Variants in RPH3AL observed in about 807,000 individuals in gnomAD.
RPH3AL encodes rabphilin 3A like (without C2 domains).
In RPH3AL, 38 loss-of-function variants were observed where a neutral mutation model predicts 43.1. The ratio of observed to expected loss-of-function variants is 0.88; its 90% CI spans 0.68 to 1.15. RPH3AL has a LOEUF of 1.15. Among genes scored for constraint, RPH3AL ranks in the 50% most tolerant of loss-of-function variants. The pLI is 0.00. For synonymous variants in RPH3AL, 189 were observed against 176.3 expected, an observed-to-expected ratio of 1.07 and a Z score of -0.57; for missense variants, 462 against 423.2, an observed-to-expected ratio of 1.09 and a Z score of -0.81.
rs2040723801 is a variant in RPH3AL at position 213,710 on chromosome 17, G to A, written c.*142C>T. ...GGGTGCAGAAAGGCACTGAGCTGGG[G>A]AGGCAGACGGCTCCCAACACTGGTT... On this transcript the variant is annotated 3_prime_UTR_variant, in exon 10 of 10. Transcript: ENST00000331302. 1.4e-6 allele frequency: 1 copy of A among 708,034 alleles called. No homozygotes were observed. The highest frequency in any genetic ancestry group is 1.7e-5 in the African/African-American group (1 of 57,458). 43.9% of individuals were successfully genotyped at this position (708,034 alleles called of 1,614,324 possible).
rs1169430522 is a variant in RPH3AL, at chr17:328,758, A to G, written c.-36-1179T>C. ...GGATTATTATTTACAATGGATTATTATTATTTACAATGGAGTATGATTTAC... is the reference window on the plus strand; with the variant it reads ...GGATTATTATTTACAATGGATTATTGTTATTTACAATGGAGTATGATTTAC... On this transcript the variant is annotated intron_variant, in intron 2 of 9. Transcript: ENST00000331302. This position sits in a 1 kb window ranked among gnomAD's most constrained non-coding sequence, Gnocchi z 4.2. 6.6e-6 allele frequency among the ~76,000 whole-genome samples: 1 copy of G among 152,260 alleles called. No individual in the cohort carries two copies. The highest frequency in any genetic ancestry group is 2.4e-5 in the African/African-American group (1 of 41,472).
intron 7 of RPH3AL, among the ~76,000 whole-genome samples, chr17:244,123 C>A (rs1027633791): frequency 6.8e-6 from 1 of 147,858 alleles, no homozygotes; most frequent in African/African-American, 2.5e-5. Context: ...CTATTGATTA[C>A]CCTTCCTCTA....
intron 7 of RPH3AL, among the ~76,000 whole-genome samples, chr17:236,723 G>A (rs979842104): frequency 3.3e-5 from 5 of 152,242 alleles, no homozygotes; most frequent in Non-Finnish European, 7.3e-5. Context: ...CAGTGGTCTG[G>A]CAGCAACCTC....
chr17:335,596 C>T (rs914755230), intron 1 of RPH3AL, among the ~76,000 whole-genome samples: 3 of 152,124 alleles, frequency 2.0e-5, no homozygotes, highest in African/African-American at 4.8e-5. Context: ...CAATATATAA[C>T]GGATAAAAAT....
In RPH3AL at chr17:215,964, G is replaced by A. The variant is rs1028573113; in HGVS notation, c.728-162C>T. 1 of 500,626 alleles carries A rather than the reference G, an allele frequency of 2.0e-6. No individual in the cohort carries two copies. Among genetic ancestry groups the A allele is most frequent in the Non-Finnish European group, 3.4e-6 (1 of 296,630 alleles). The allele number at this position is 500,626 out of a possible 1,614,324, so 31.0% of individuals were successfully genotyped here. Reference sequence around the variant, plus strand: ...CTGACCTCACCCACATGGCTGCCGGGCTCTGGCCTGACCCCACCCACATGG... The same window carrying A: ...CTGACCTCACCCACATGGCTGCCGGACTCTGGCCTGACCCCACCCACATGG... On this transcript the variant is annotated intron_variant, in intron 8 of 9. Coordinates refer to ENST00000331302, the MANE Select transcript of RPH3AL (RefSeq NM_006987.4). The surrounding 1 kb of genome is among the most constrained non-coding windows in gnomAD (Gnocchi z 4.1).
intron 4 of RPH3AL, among the ~76,000 whole-genome samples, chr17:320,997 C>T (rs2044454494): frequency 6.6e-6 from 1 of 152,200 alleles, no homozygotes; most frequent in South Asian, 2.1e-4. Flanking sequence ...TCCTGGGAGG[C>T]TTCACCAGGC....
intron 1 of RPH3AL, chr17:338,667 G>T (rs1247372198): frequency 6.6e-6 from 1 of 152,164 alleles, no homozygotes; most frequent in Non-Finnish European, 1.5e-5. Context: ...CATGCTATTT[G>T]TCTTTTAATG....
intron 5 of RPH3AL, among the ~76,000 whole-genome samples, chr17:308,842 G>A (rs2043564518): frequency 6.6e-6 from 1 of 152,154 alleles, no homozygotes; most frequent in South Asian, 2.1e-4. Context: ...CCACCTCCAG[G>A]AGCAGCTCTC....
At chr17:242,700 C>T in intron 7 of RPH3AL, among the ~76,000 whole-genome samples, 1 of 118,014 alleles carries the variant, frequency 8.5e-6, no homozygotes, top group Non-Finnish European at 1.8e-5. Context: ...TGATTACCTT[C>T]CTCTATTGAT....
intron 7 of RPH3AL, among the ~76,000 whole-genome samples, chr17:241,711 CT>C (rs1001979455): frequency 1.9e-4 from 18 of 92,790 alleles, no homozygotes; most frequent in African/African-American, 6.8e-4. Context: ...GTTTCTTTTT[CT>C]TTTTTTTTCT....
intron 5 of RPH3AL, among the ~76,000 whole-genome samples, chr17:305,643 T>A (rs1196551439): frequency 6.6e-6 from 1 of 152,022 alleles, no homozygotes; most frequent in Non-Finnish European, 1.5e-5. Context: ...CACACAGACA[T>A]TCAGGCAGGT....
Position 333,108 on chromosome 17 carries a change from C to G in RPH3AL, c.-37+651G>C. The G allele has an allele frequency of 6.2e-6, 8 of 1,282,050 alleles. No individual in the cohort carries two copies. The highest frequency in any genetic ancestry group is 8.1e-6 in the Non-Finnish European group (8 of 985,436). 79.4% of individuals were successfully genotyped at this position (1,282,050 alleles called of 1,614,324 possible). A position where few individuals can be genotyped will look rare whatever the true frequency, so the allele number is the denominator to read the frequency against. On this transcript the variant is annotated intron_variant, in intron 2 of 9. Transcript: ENST00000331302. The surrounding 1 kb of genome is among the most constrained non-coding windows in gnomAD (Gnocchi z 4.5). ...AGAGCTCACCACCCCGGGCGTTCGT[C>G]ACTGCAGACATCACTGCAGACACAG...
chr17:247,486 T>C (rs768377249), intron 6 of RPH3AL: 1 of 525,088 alleles, frequency 1.9e-6, no homozygotes, highest in Non-Finnish European at 3.3e-6. Flanking sequence ...CCAAACCTTC[T>C]TTCTCTCCCT....
chr17:266,191 T>C (rs1352719811), intron 6 of RPH3AL, among the ~76,000 whole-genome samples: 1 of 151,390 alleles, frequency 6.6e-6, no homozygotes, highest in Non-Finnish European at 1.5e-5. Flanking sequence ...GATGACACTT[T>C]AAGGCCCCAG....
Position 345,647 on chromosome 17 carries a change from C to T in RPH3AL, c.-213+7065G>A, listed in dbSNP as rs1297053462. The stretch of plus-strand genomic sequence containing the variant: ...CGCGTGCTCCCCATCTGCACGCACA[C>T]CCTGCTGGGGCACGCGTGCTCCCCA... On this transcript the variant is annotated intron_variant, in intron 1 of 9. Coordinates refer to ENST00000331302, the MANE Select transcript of RPH3AL (RefSeq NM_006987.4). Among the ~76,000 whole-genome samples the T allele has an allele frequency of 2.6e-5, 2 of 76,050 alleles. 1 individual carries two copies. Among genetic ancestry groups the T allele is most frequent in the Non-Finnish European group, 7.1e-5 (2 of 28,004 alleles). The allele number at this position is 76,050 out of a possible 152,430, so 49.9% of individuals were successfully genotyped here. A position where few individuals can be genotyped will look rare whatever the true frequency, so the allele number is the denominator to read the frequency against.
At chr17:273,023 A>G (rs1176119286) in intron 6 of RPH3AL, among the ~76,000 whole-genome samples, 2 of 83,622 alleles carry the variant, frequency 2.4e-5, no homozygotes, top group Admixed American at 2.4e-4. Context: ...GACATCAGGA[A>G]GAGACCCCAG....
intron 1 of RPH3AL, among the ~76,000 whole-genome samples, chr17:349,666 CTTT>C (rs1806247508): frequency 1.3e-5 from 2 of 152,076 alleles, no homozygotes; most frequent in East Asian, 3.8e-4. Context: ...TATAAAAAAA[CTTT>C]TTAATAAAAA....
chr17:290,640 C>A lies in RPH3AL; in HGVS notation c.352-8786G>T, dbSNP rs2043026709. Reference sequence around the variant, plus strand: ...TGCGACAGAAGGTTCTGCTGGGCCACTCCAAAGTTCAGGTACTTCATGCCC... The same window carrying A: ...TGCGACAGAAGGTTCTGCTGGGCCAATCCAAAGTTCAGGTACTTCATGCCC... On this transcript the variant is annotated intron_variant, in intron 5 of 9. Coordinates refer to ENST00000331302, the MANE Select transcript of RPH3AL (RefSeq NM_006987.4). This position sits in a 1 kb window ranked among gnomAD's most constrained non-coding sequence, Gnocchi z 4.2. Among the ~76,000 whole-genome samples the A allele has an allele frequency of 6.6e-6, 1 of 151,884 alleles. No individual in the cohort carries two copies. Among genetic ancestry groups the A allele is most frequent in the African/African-American group, 2.4e-5 (1 of 41,274 alleles).
intron 9 of RPH3AL, among the ~76,000 whole-genome samples, chr17:214,953 G>A (rs374590497): frequency 9.9e-5 from 15 of 152,184 alleles, no homozygotes; most frequent in South Asian, 4.2e-4. Flanking sequence ...GATGCCTCCC[G>A]GATGCTCTGC....
Sources: gnomAD v4.1 joint callset for allele counts (sites outside exome capture counted in the v4.1 genomes callset) on GRCh38, gnomAD v4.1.1 for gene constraint, Gnocchi (gnomAD v3.1) non-coding constraint, MANE v1.5 for transcripts, NCBI Gene and HGNC (gene_info 2026-07-23, HGNC 2026-07-21) for gene names.